The following GTF2IRD2 variants were observed in gnomAD, a reference collection of about 807,000 sequenced individuals.
The protein encoded by GTF2IRD2 is general transcription factor II-I repeat domain-containing protein 2A.
In GTF2IRD2, 8 loss-of-function variants were observed where a neutral mutation model predicts 49.2. The observed-to-expected ratio is 0.16, with a 90% CI of 0.10 to 0.29. The LOEUF (loss-of-function observed/expected upper bound fraction) is 0.29. GTF2IRD2 is among the 10% of genes least tolerant of loss of function. The pLI is 1.00. For missense variants in GTF2IRD2, 130 were observed against 725.7 expected, an observed-to-expected ratio of 0.18 and a Z score of 9.43; for synonymous variants, 47 against 289.7, an observed-to-expected ratio of 0.16 and a Z score of 8.51.
intron 3 of GTF2IRD2, among the ~76,000 whole-genome samples, chr7:74,826,282 C>T (rs1799385168): frequency 6.6e-6 from 1 of 151,504 alleles, no homozygotes; most frequent in South Asian, 2.1e-4. Flanking sequence ...TGTTTTGAGA[C>T]AGAGTCTCAC....
At chr7:74,802,958 GC>G (rs1195599271) in intron 14 of GTF2IRD2, among the ~76,000 whole-genome samples, 1 of 140,340 alleles carries the variant, frequency 7.1e-6, no homozygotes, top group African/African-American at 2.6e-5. Context: ...AGGCGATCTG[GC>G]CCGCCTCAGC....
At position 74,842,509 on chromosome 7, in the gene GTF2IRD2, G is replaced by A. The variant is rs1354462996; in HGVS notation, c.-5-6126C>T. On this transcript the variant is annotated intron_variant, in intron 1 of 15. Coordinates refer to ENST00000451013, the MANE Select transcript of GTF2IRD2 (RefSeq NM_173537.5). ...GCCTCCCAAAGTGCTGGGATTATAG[G>A]TGTGAGGCACTATGCCCACCCCTAT... 3.3e-4 allele frequency among the ~76,000 whole-genome samples: 47 copies of A among 143,176 alleles called. 3 individuals carry two copies. Among genetic ancestry groups the A allele is most frequent in the Admixed American group, 1.2e-3 (17 of 14,362 alleles). 93.9% of individuals were successfully genotyped at this position (143,176 alleles called of 152,430 possible).
chr7:74,821,849 C>T (rs1200204226), intron 6 of GTF2IRD2: 10 of 38,458 alleles, frequency 2.6e-4, no homozygotes, highest in African/African-American at 2.0e-3. Context: ...CCACTGCGTC[C>T]GGCCAATTTT....
intron 9 of GTF2IRD2, among the ~76,000 whole-genome samples, chr7:74,811,903 A>T: frequency 2.9e-5 from 1 of 34,930 alleles, no homozygotes; most frequent in African/African-American, 7.0e-5. Flanking sequence ...GGTGTGGTGT[A>T]CTTCCTACTG....
intron 2 of GTF2IRD2, 88 bp from the exon 3 acceptor site, chr7:74,833,031 T>G: frequency 2.5e-6 from 1 of 398,904 alleles, no homozygotes; most frequent in South Asian, 2.5e-5. Flanking sequence ...GAATACAAAA[T>G]TAGGTAGCAA....
chr7:74,841,022 A>C (rs1554421751), intron 1 of GTF2IRD2, among the ~76,000 whole-genome samples: 1 of 94,382 alleles, frequency 1.1e-5, no homozygotes. Flanking sequence ...TAAGTTTTCT[A>C]TTTTTCAGTA....
chr7:74,839,263 AAC>A (rs1239286676), intron 1 of GTF2IRD2, among the ~76,000 whole-genome samples: 2 of 42,328 alleles, frequency 4.7e-5, no homozygotes, highest in Non-Finnish European at 7.7e-5. Context: ...CTGTTCTGGC[AAC>A]AGAGCTGGAG....
At position 74,827,849 on chromosome 7, in the gene GTF2IRD2, C is replaced by A. The variant is rs1317087138; in HGVS notation, c.239-2797G>T. Reference sequence around the variant, plus strand: ...CTTTCCCTTTTTTTTTTTTTTTTGTCTTGCTCTGTCACCCAGGCTGGAGTG... The same window carrying A: ...CTTTCCCTTTTTTTTTTTTTTTTGTATTGCTCTGTCACCCAGGCTGGAGTG... On this transcript the variant is annotated intron_variant, in intron 3 of 15. Coordinates refer to ENST00000451013, the MANE Select transcript of GTF2IRD2 (RefSeq NM_173537.5). 1.4e-4 allele frequency among the ~76,000 whole-genome samples: 2 copies of A among 14,286 alleles called. 1 individual carries two copies. The highest frequency in any genetic ancestry group is 2.1e-3 in the Admixed American group (2 of 936). 9.4% of individuals were successfully genotyped at this position (14,286 alleles called of 152,430 possible).
At chr7:74,825,983 A>C (rs1799353226) in intron 3 of GTF2IRD2, among the ~76,000 whole-genome samples, 3 of 150,894 alleles carry the variant, frequency 2.0e-5, no homozygotes, top group South Asian at 4.2e-4. Context: ...TGTATTTTTT[A>C]GTAGAGATGG....
intron 15 of GTF2IRD2, among the ~76,000 whole-genome samples, chr7:74,798,577 C>T (rs1285594037): frequency 3.3e-5 from 5 of 150,612 alleles, no homozygotes; most frequent in African/African-American, 4.9e-5. Context: ...GGCGCAATCT[C>T]GGCTCACTGC....
In GTF2IRD2 at chr7:74,831,341, C is replaced by T. The variant is rs368656187; in HGVS notation, c.238+1464G>A. 1.5e-4 allele frequency among the ~76,000 whole-genome samples: 22 copies of T among 150,874 alleles called. No homozygotes were observed. In the East Asian group the frequency reaches 4.1e-3, roughly 28 times the overall value. ...ATAATTCCTCTCTCTTATCTATCAT[C>T]TATCCATTTATCTAATCTGTCTATA... On this transcript the variant is annotated intron_variant, in intron 3 of 15. Coordinates refer to ENST00000451013, the MANE Select transcript of GTF2IRD2 (RefSeq NM_173537.5).
intron 3 of GTF2IRD2, among the ~76,000 whole-genome samples, chr7:74,830,644 C>G (rs587619979): frequency 7.1e-6 from 1 of 141,086 alleles, no homozygotes; most frequent in African/African-American, 2.6e-5. Context: ...CACATGTTCT[C>G]ACTTGTAAGT....
chr7:74,836,656 C>T (rs1257343785), intron 1 of GTF2IRD2, among the ~76,000 whole-genome samples: 48 of 152,330 alleles, frequency 3.2e-4, no homozygotes, highest in African/African-American at 1.0e-3. Context: ...ACCTCTGCCC[C>T]CTGGATTCAA....
intron 1 of GTF2IRD2, among the ~76,000 whole-genome samples, chr7:74,846,025 TCCC>T (rs1801269064): frequency 1.8e-3 from 195 of 106,058 alleles, no homozygotes; most frequent in African/African-American, 6.5e-3. Flanking sequence ...AAACTCTGCC[TCCC>T]GAGTAGTTGA....
In GTF2IRD2 at chr7:74,822,287, T is replaced by C. The variant is rs1382592827; in HGVS notation, c.571+140A>G. ...GATGGTCGCGATCTCCTGACCTTTG[T>C]GATCCACCTGCCTCAGCCTCCCAAA... On this transcript the variant is annotated intron_variant, in intron 6 of 15. Coordinates refer to ENST00000451013, the MANE Select transcript of GTF2IRD2 (RefSeq NM_173537.5). 18 of 1,324,720 alleles carry C rather than the reference T, an allele frequency of 1.4e-5. No individual in the cohort carries two copies. The African/African-American group carries it at 2.5e-4, about 18-fold the overall frequency. 82.1% of individuals were successfully genotyped at this position (1,324,720 alleles called of 1,614,324 possible).
chr7:74,802,961 CGCCTCA>C (rs1215238738), intron 14 of GTF2IRD2, among the ~76,000 whole-genome samples: 8 of 141,906 alleles, frequency 5.6e-5, no homozygotes, highest in Non-Finnish European at 4.7e-5. Flanking sequence ...CGATCTGGCC[CGCCTCA>C]GCCTCCCAAA....
At chr7:74,836,749 A>AAATAC (rs1800377634) in intron 1 of GTF2IRD2, among the ~76,000 whole-genome samples, 1 of 152,044 alleles carries the variant, frequency 6.6e-6, no homozygotes, top group Non-Finnish European at 1.5e-5. Context: ...TATTTTTTGT[A>AAATAC]AAGACGGGGT....
chr7:74,815,858 GAAA>G (rs1798495630), intron 8 of GTF2IRD2, among the ~76,000 whole-genome samples: 1 of 104,676 alleles, frequency 9.6e-6, no homozygotes, highest in Non-Finnish European at 2.0e-5. Context: ...AAGAAAGAAA[GAAA>G]GAAAGAGAAA....
chr7:74,835,996 A>C (rs1235023356), intron 2 of GTF2IRD2, among the ~76,000 whole-genome samples: 4 of 129,900 alleles, frequency 3.1e-5, no homozygotes, highest in East Asian at 2.0e-4. Flanking sequence ...AAAAAAAAAA[A>C]CAAAAATTAG....
Sources: gnomAD v4.1 joint callset for allele counts (sites outside exome capture counted in the v4.1 genomes callset) on GRCh38, gnomAD v4.1.1 for gene constraint, MANE v1.5 for transcripts, NCBI Gene and HGNC (gene_info 2026-07-23, HGNC 2026-07-21) for gene names.